ACVR1: variants seen among roughly 807,000 people sequenced by gnomAD.
The protein encoded by ACVR1 is activin A receptor type 1, also known as activin receptor type-1.
ACVR1 carries 38 observed loss-of-function variants against 57.1 expected under a neutral mutation model. The ratio of observed to expected loss-of-function variants is 0.67; its 90% CI spans 0.51 to 0.87. The LOEUF (loss-of-function observed/expected upper bound fraction) is 0.87. ACVR1 is among the 40% of genes least tolerant of loss of function. The pLI is 0.00. For missense variants in ACVR1, 463 were observed against 638.2 expected (o/e 0.73, Z 2.96); for synonymous variants, 212 against 228.1 (o/e 0.93, Z 0.63).
intron 4 of ACVR1, 57 bp downstream of exon 4, chr2:157,780,280 A>G: frequency 6.2e-7 from 1 of 1,612,028 alleles, no homozygotes; most frequent in East Asian, 2.2e-5. Flanking sequence ...ACCCACACGG[A>G]CCCAGGACAA....
At chr2:157,807,114 G>C (rs1454515890) in intron 2 of ACVR1, 2 of 152,078 alleles carry the variant, frequency 1.3e-5, no homozygotes, top group Admixed American at 1.3e-4. Context: ...GGAAGGAAGG[G>C]AAGCAAACAA....
intron 1 of ACVR1, among the ~76,000 whole-genome samples, chr2:157,828,449 C>A (rs75321525): frequency 2.6e-3 from 220 of 84,060 alleles, no homozygotes; most frequent in African/African-American, 5.5e-3. Flanking sequence ...GACTCCGTCT[C>A]AAAAAAAAAA....
chr2:157,867,781 CTGA>C, intron 1 of ACVR1, among the ~76,000 whole-genome samples: 1 of 152,108 alleles, frequency 6.6e-6, no homozygotes, highest in Non-Finnish European at 1.5e-5. Context: ...CTCTGGTGCA[CTGA>C]TGGTGATGTG....
intron 2 of ACVR1, among the ~76,000 whole-genome samples, chr2:157,810,404 C>A (rs1687710752): frequency 6.6e-6 from 1 of 152,162 alleles, no homozygotes; most frequent in African/African-American, 2.4e-5. Context: ...GTGCCAGGCC[C>A]CATTCCTTCC....
intron 1 of ACVR1, among the ~76,000 whole-genome samples, chr2:157,836,833 C>T (rs1170474464): frequency 6.6e-6 from 1 of 152,132 alleles, no homozygotes; most frequent in African/African-American, 2.4e-5. Context: ...GTAATGTGTG[C>T]CCTTACCCCA....
At chr2:157,847,510 T>G (rs748720520) in intron 1 of ACVR1, among the ~76,000 whole-genome samples, 21 of 152,218 alleles carry the variant, frequency 1.4e-4, no homozygotes, top group Non-Finnish European at 2.9e-4. Flanking sequence ...AAGGAATGTT[T>G]TAAATTTTCT....
In ACVR1 at chr2:157,778,275, G is replaced by A. The variant is rs140233340; in HGVS notation, c.399C>T (p.Phe133=). The change falls in exon 5 of 11, where the codon TTC becomes TTT. Residue 133 remains phenylalanine, a synonymous_variant. Transcript: ENST00000434821. ...GCAGGCAGGCTAAAAGACATACTGC[G>A]AACACTACAGAGAGAATAATGAGGC... is the stretch of plus-strand genomic sequence containing the variant. ...EVGLIILSVV[F]AVCLLACLLG... 63 of 1,613,876 alleles carry A rather than the reference G, an allele frequency of 3.9e-5. No individual in the cohort carries two copies. Among genetic ancestry groups the A allele is most frequent in the Non-Finnish European group, 4.6e-5 (54 of 1,179,976 alleles).
intron 6 of ACVR1, among the ~76,000 whole-genome samples, chr2:157,772,594 C>T (rs752132242): frequency 1.2e-4 from 19 of 152,130 alleles, no homozygotes; most frequent in Admixed American, 3.9e-4. Context: ...GACTCTGGAG[C>T]CAATCTCTGA....
At chr2:157,756,745 G>A (rs1046768285) in intron 9 of ACVR1, among the ~76,000 whole-genome samples, 1 of 151,700 alleles carries the variant, frequency 6.6e-6, no homozygotes, top group East Asian at 1.9e-4. Flanking sequence ...GTAAACACTG[G>A]AGATTCCTTA....
At chr2:157,822,643 T>C (rs1020452712) in intron 1 of ACVR1, among the ~76,000 whole-genome samples, 8 of 152,242 alleles carry the variant, frequency 5.3e-5, no homozygotes, top group Admixed American at 1.3e-4. Context: ...AAAATGCTAG[T>C]GAACATTATT....
intron 9 of ACVR1, among the ~76,000 whole-genome samples, chr2:157,754,844 G>A (rs1685357282): frequency 6.6e-6 from 1 of 152,014 alleles, no homozygotes; most frequent in Admixed American, 6.5e-5. Flanking sequence ...GATGAACATA[G>A]ATGCAAACAT....
At chr2:157,744,198 G>C (rs1362601732) in intron 9 of ACVR1, among the ~76,000 whole-genome samples, 3 of 152,156 alleles carry the variant, frequency 2.0e-5, no homozygotes, top group African/African-American at 7.2e-5. Flanking sequence ...AATGAGGACA[G>C]AGTCTCTGGC....
At chr2:157,776,516 T>G (rs1574051151) in intron 5 of ACVR1, among the ~76,000 whole-genome samples, 1 of 152,242 alleles carries the variant, frequency 6.6e-6, no homozygotes. Flanking sequence ...GTCCTTATAC[T>G]GCATTCTCTT....
intron 1 of ACVR1, among the ~76,000 whole-genome samples, chr2:157,863,340 T>A (rs1259709893): frequency 3.7e-5 from 3 of 81,950 alleles, no homozygotes; most frequent in Non-Finnish European, 6.7e-5. Flanking sequence ...GTTTCTCTTT[T>A]TTTTTTTTTT....
intron 1 of ACVR1, among the ~76,000 whole-genome samples, chr2:157,851,070 A>G (rs888490846): frequency 2.6e-5 from 4 of 152,200 alleles, no homozygotes; most frequent in Admixed American, 2.6e-4. Context: ...CTACATTCAA[A>G]GGGTGCTATT....
At chr2:157,854,730 A>T (rs920637921) in intron 1 of ACVR1, among the ~76,000 whole-genome samples, 38 of 150,580 alleles carry the variant, frequency 2.5e-4, no homozygotes, top group Non-Finnish European at 1.3e-4. Context: ...CTCAAAAAAA[A>T]AAAAAAAGAG....
intron 1 of ACVR1, among the ~76,000 whole-genome samples, chr2:157,839,693 G>A (rs1688913843): frequency 6.6e-6 from 1 of 152,172 alleles, no homozygotes; most frequent in African/African-American, 2.4e-5. Context: ...ACCATGCAGT[G>A]AACATCCCAA....
At position 157,744,309 on chromosome 2, in the gene ACVR1, G is replaced by A. The variant is rs915431700; in HGVS notation, c.1265-5739C>T. On this transcript the variant is annotated intron_variant, in intron 9 of 10. Coordinates refer to ENST00000434821, the MANE Select transcript of ACVR1 (RefSeq NM_001111067.4). Reference sequence around the variant, plus strand: ...ATTAGAAGTAAAGCTATTTTAGAGAGGGAAAAAAAGAAAATGGCCCATATT... The same window carrying A: ...ATTAGAAGTAAAGCTATTTTAGAGAAGGAAAAAAAGAAAATGGCCCATATT... Among the ~76,000 whole-genome samples the A allele has an allele frequency of 2.2e-4, 34 of 152,182 alleles. 1 individual carries two copies. Among genetic ancestry groups the A allele is most frequent in the African/African-American group, 7.9e-4 (33 of 41,548 alleles).
At chr2:157,830,973 T>G (rs1170450983) in intron 1 of ACVR1, among the ~76,000 whole-genome samples, 1 of 152,174 alleles carries the variant, frequency 6.6e-6, no homozygotes, top group African/African-American at 2.4e-5. Flanking sequence ...ACTCTGTTGC[T>G]CAAGTTGGAG....
Sources: allele counts gnomAD v4.1 joint callset (sites outside exome capture counted in the v4.1 genomes callset), GRCh38; gene constraint gnomAD v4.1.1; transcripts MANE v1.5; gene names NCBI Gene and HGNC (gene_info 2026-07-23, HGNC 2026-07-21).